Variants in DLC1 observed in about 807,000 individuals in gnomAD.
DLC1 encodes the protein DLC1 Rho GTPase activating protein.
A neutral mutation model predicts 140.3 loss-of-function variants in DLC1; 54 were observed. The observed-to-expected ratio is 0.38, with a 90% confidence interval of 0.31 to 0.48. The LOEUF (loss-of-function observed/expected upper bound fraction) is 0.48, where lower values mean the gene tolerates loss of function less well. Ranked by LOEUF, DLC1 falls within the 20% of genes least tolerant of loss-of-function variation. DLC1 has a pLI of 0.96. For missense variants in DLC1, 2,536 were observed against 1,907.0 expected, an observed-to-expected ratio of 1.33 and a Z score of -6.14; for synonymous variants, 986 against 728.1, an observed-to-expected ratio of 1.35 and a Z score of -5.70.
intron 2 of DLC1, among the ~76,000 whole-genome samples, chr8:13,443,727 G>A (rs548899699): frequency 2.0e-5 from 3 of 151,306 alleles, no homozygotes; most frequent in South Asian, 2.1e-4. Flanking sequence ...TATGCTACAC[G>A]CAGGCAAATA....
At chr8:13,239,029 A>G (rs536806918) in intron 5 of DLC1, among the ~76,000 whole-genome samples, 3 of 152,306 alleles carry the variant, frequency 2.0e-5, no homozygotes, top group Non-Finnish European at 4.4e-5. Context: ...TTTGGAAGTC[A>G]GGTTCTGAAT....
intron 4 of DLC1, among the ~76,000 whole-genome samples, chr8:13,356,985 C>T (rs1055404232): frequency 1.3e-5 from 2 of 152,036 alleles, no homozygotes; most frequent in Non-Finnish European, 2.9e-5. Flanking sequence ...GAAAGTCCTG[C>T]CCTGCTGGCC....
intron 2 of DLC1, among the ~76,000 whole-genome samples, chr8:13,440,594 C>T (rs1178730297): frequency 6.6e-6 from 1 of 151,320 alleles, no homozygotes; most frequent in Non-Finnish European, 1.5e-5. Flanking sequence ...AGGAATATTT[C>T]AGAGTAGGCC....
intron 15 of DLC1, 133 bp from the exon 16 acceptor site, chr8:13,088,837 C>T: frequency 1.5e-6 from 1 of 679,726 alleles, no homozygotes. Context: ...ATAAATAATA[C>T]TATATAATCA....
intron 2 of DLC1, among the ~76,000 whole-genome samples, chr8:13,414,973 G>C (rs1837981444): frequency 6.6e-6 from 1 of 151,948 alleles, no homozygotes; most frequent in Non-Finnish European, 1.5e-5. Flanking sequence ...ACCATGCCTG[G>C]CTAATTTTTT....
intron 2 of DLC1, among the ~76,000 whole-genome samples, chr8:13,405,963 T>TTCTTTCTTTCTA (rs2117272942): frequency 6.9e-6 from 1 of 144,938 alleles, no homozygotes; most frequent in East Asian, 2.0e-4. Context: ...CTTTCTTTCT[T>TTCTTTCTTTCTA]TCTTTCTTTC....
intron 4 of DLC1, among the ~76,000 whole-genome samples, chr8:13,372,409 C>T (rs866653524): frequency 2.2e-4 from 33 of 152,122 alleles, no homozygotes; most frequent in African/African-American, 7.5e-4. Context: ...ACAGAAGAAC[C>T]GTTTGAGGAT....
In DLC1 at chr8:13,329,464, C is replaced by G. The variant is rs76639071; in HGVS notation, c.1315-24162G>C. Reference sequence around the variant, plus strand: ...TAGTCATCCCCAGACTGGTTTAACCCCAGTCATCACCTAATCTATATATGG... The same window carrying G: ...TAGTCATCCCCAGACTGGTTTAACCGCAGTCATCACCTAATCTATATATGG... On this transcript the variant is annotated intron_variant, in intron 4 of 17. Coordinates refer to ENST00000276297, the MANE Select transcript of DLC1 (RefSeq NM_182643.3). Among the ~76,000 whole-genome samples, 1,504 of 152,192 alleles carry G rather than the reference C, an allele frequency of 9.9e-3. 22 individuals are homozygous for G. The highest frequency in any genetic ancestry group is 0.034 in the African/African-American group (1,412 of 41,504).
At chr8:13,537,648 CTTTT>C (rs3066420) in intron 1 of DLC1, among the ~76,000 whole-genome samples, 3,299 of 90,358 alleles carry the variant, frequency 0.037, 101 homozygotes, top group African/African-American at 0.14. Context: ...ACAGCTAACT[CTTTT>C]TTTTTTTTTT....
At chr8:13,202,917 A>G (rs1007572780) in intron 5 of DLC1, among the ~76,000 whole-genome samples, 1 of 151,668 alleles carries the variant, frequency 6.6e-6, no homozygotes, top group Non-Finnish European at 1.5e-5. Context: ...CAAGTAATCC[A>G]CCCGCCTCAG....
chr8:13,592,995 A>G (rs1168670818), intron 1 of DLC1, among the ~76,000 whole-genome samples: 1 of 152,106 alleles, frequency 6.6e-6, no homozygotes, highest in Non-Finnish European at 1.5e-5. Context: ...GCCTAAGTGC[A>G]ATTTCTCTGG....
intron 6 of DLC1, among the ~76,000 whole-genome samples, chr8:13,112,330 G>A (rs997743551): frequency 6.6e-6 from 1 of 152,178 alleles, no homozygotes. Context: ...CTGGTTTTAT[G>A]GAATGATATG....
At chr8:13,507,857 T>G (rs6530636) in intron 1 of DLC1, among the ~76,000 whole-genome samples, 149,260 of 152,236 alleles carry the variant, frequency 0.98, 73,252 homozygotes, top group East Asian at 1. Flanking sequence ...TTTTCCAAAA[T>G]ACACATCCAA....
chr8:13,457,166 C>T lies in DLC1; in HGVS notation c.1023+41883G>A, dbSNP rs1281810479. ...TATTGCGAACTTTCCCTAAATCTAG[C>T]CCTATACCGTGCTCACAATGAGTGT... On this transcript the variant is annotated intron_variant, in intron 2 of 17. Transcript: ENST00000276297. 2.6e-5 allele frequency among the ~76,000 whole-genome samples: 4 copies of T among 152,108 alleles called. No homozygotes were observed. In the East Asian group the frequency reaches 7.7e-4, roughly 29 times the overall value.
At chr8:13,428,328 A>C (rs548743010) in intron 2 of DLC1, among the ~76,000 whole-genome samples, 1 of 152,306 alleles carries the variant, frequency 6.6e-6, no homozygotes, top group South Asian at 2.1e-4. Context: ...GGATGTTAGT[A>C]GAGGATTTTC....
chr8:13,601,590 A>C lies in DLC1; in HGVS notation c.-126+2947T>G, dbSNP rs1412765563. On this transcript the variant is annotated intron_variant, in intron 1 of 1. Transcript: ENST00000631382. ...ACTTACAATATGAAGCTGGGATATG[A>C]GATGGTAACTTGGCTAACTTGTCAA... Among the ~76,000 whole-genome samples, 3 of 151,172 alleles carry C rather than the reference A, an allele frequency of 2.0e-5. No individual in the cohort carries two copies. In the East Asian group the frequency reaches 5.9e-4, roughly 30 times the overall value.
chr8:13,200,582 A>AT (rs1168096090), intron 5 of DLC1, among the ~76,000 whole-genome samples: 4 of 151,924 alleles, frequency 2.6e-5, no homozygotes, highest in Admixed American at 2.6e-4. Context: ...ACTGATTACA[A>AT]TTTTTGTTGT....
chr8:13,527,798 T>C (rs1219796486), intron 1 of DLC1, among the ~76,000 whole-genome samples: 1 of 152,158 alleles, frequency 6.6e-6, no homozygotes, highest in Non-Finnish European at 1.5e-5. Flanking sequence ...CAGCATCTAT[T>C]ATACGTGAAC....
intron 5 of DLC1, among the ~76,000 whole-genome samples, chr8:13,247,407 A>T (rs1003569902): frequency 6.6e-6 from 1 of 152,228 alleles, no homozygotes; most frequent in African/African-American, 2.4e-5. Flanking sequence ...GTAGTTGTTA[A>T]CAATTATTTA....
Sources: gnomAD v4.1 joint callset for allele counts (sites outside exome capture counted in the v4.1 genomes callset) on GRCh38, gnomAD v4.1.1 for gene constraint, MANE v1.5 for transcripts, NCBI Gene and HGNC (gene_info 2026-07-23, HGNC 2026-07-21) for gene names.